The following DTNB variants were observed in gnomAD, a reference collection of about 807,000 sequenced individuals.
DTNB encodes DTN-B.
Under a neutral mutation model 90.7 loss-of-function variants are expected in DTNB, and 63 were observed. That is an observed-to-expected ratio of 0.69 (90% CI 0.57 to 0.86). The LOEUF (loss-of-function observed/expected upper bound fraction) is 0.86, where lower values mean the gene tolerates loss of function less well. DTNB is among the 40% of genes least tolerant of loss of function. DTNB has a pLI of 0.00. For missense variants in DTNB, 744 were observed against 807.1 expected (o/e 0.92, Z 0.95); for synonymous variants, 277 against 286.7 (o/e 0.97, Z 0.34).
At chr2:25,609,563 T>C (rs1045676311) in intron 4 of DTNB, among the ~76,000 whole-genome samples, 3 of 150,092 alleles carry the variant, frequency 2.0e-5, no homozygotes, top group African/African-American at 7.4e-5. Flanking sequence ...GCATCATCTC[T>C]TGTTGCCTGG....
At chr2:25,449,515 C>A (rs2058948883) in intron 12 of DTNB, among the ~76,000 whole-genome samples, 1 of 152,116 alleles carries the variant, frequency 6.6e-6, no homozygotes, top group Admixed American at 6.6e-5. Flanking sequence ...TTCATTGTAG[C>A]CATTCTGGTG....
intron 6 of DTNB, among the ~76,000 whole-genome samples, chr2:25,588,495 A>G (rs1474168815): frequency 6.6e-6 from 1 of 151,982 alleles, no homozygotes; most frequent in East Asian, 1.9e-4. Context: ...CCTCCCAAGT[A>G]GCTGGGACTA....
At chr2:25,440,245 T>G (rs950483374) in intron 12 of DTNB, among the ~76,000 whole-genome samples, 1 of 152,230 alleles carries the variant, frequency 6.6e-6, no homozygotes, top group Non-Finnish European at 1.5e-5. Flanking sequence ...CAAATGCACT[T>G]GCAATTATGT....
At chr2:25,470,990 T>C (rs1044747302) in intron 10 of DTNB, among the ~76,000 whole-genome samples, 1 of 152,236 alleles carries the variant, frequency 6.6e-6, no homozygotes, top group African/African-American at 2.4e-5. Flanking sequence ...CAAAGGACTT[T>C]AGCCACAAAG....
chr2:25,419,971 G>A (rs952552481), intron 15 of DTNB, among the ~76,000 whole-genome samples: 1 of 152,172 alleles, frequency 6.6e-6, no homozygotes, highest in Admixed American at 6.5e-5. Flanking sequence ...CGAGGCAAGT[G>A]GTTTTTGATG....
intron 9 of DTNB, among the ~76,000 whole-genome samples, chr2:25,523,386 T>TGG (rs2076491616): frequency 1.3e-5 from 2 of 152,232 alleles, no homozygotes; most frequent in African/African-American, 4.8e-5. Context: ...ACGCCTGTTA[T>TGG]CTCAGCACTT....
intron 9 of DTNB, 68 bp from the exon 10 acceptor site, chr2:25,482,941 AG>A: frequency 6.8e-7 from 1 of 1,465,144 alleles, no homozygotes; most frequent in Non-Finnish European, 9.2e-7. Flanking sequence ...AACGACGATA[AG>A]CATGGTAAGA....
intron 16 of DTNB, among the ~76,000 whole-genome samples, chr2:25,398,023 G>A (rs1256980089): frequency 6.6e-6 from 1 of 152,178 alleles, no homozygotes; most frequent in Admixed American, 6.5e-5. Context: ...CATGGCCTGA[G>A]GACCGCACAT....
chr2:25,621,463 T>G (rs1373959165), intron 4 of DTNB, among the ~76,000 whole-genome samples: 2 of 150,992 alleles, frequency 1.3e-5, no homozygotes, highest in Admixed American at 1.3e-4. Context: ...TTTTTTTTTT[T>G]GAGACGGAGT....
At chr2:25,508,495 TTTTG>T (rs1181161579) in intron 9 of DTNB, among the ~76,000 whole-genome samples, 7 of 151,506 alleles carry the variant, frequency 4.6e-5, no homozygotes, top group South Asian at 2.1e-4. Flanking sequence ...AACATTTCTT[TTTTG>T]TTTGTTTTTT....
chr2:25,452,331 C>T (rs543585787), intron 11 of DTNB, among the ~76,000 whole-genome samples: 39 of 152,218 alleles, frequency 2.6e-4, no homozygotes, highest in Non-Finnish European at 4.7e-4. Context: ...GCTGGCTCTG[C>T]ATATGGGATG....
intron 16 of DTNB, among the ~76,000 whole-genome samples, chr2:25,397,467 G>C (rs770701015): frequency 3.9e-5 from 6 of 152,102 alleles, no homozygotes; most frequent in Non-Finnish European, 7.4e-5. Flanking sequence ...CAAATCTCAG[G>C]GCACAGGAAG....
intron 6 of DTNB, among the ~76,000 whole-genome samples, chr2:25,591,712 A>T (rs1241574327): frequency 1.3e-5 from 2 of 152,116 alleles, no homozygotes; most frequent in Non-Finnish European, 2.9e-5. Context: ...TGCAAGGACA[A>T]TTTTTCTATT....
chr2:25,649,899 T>C (rs2080480663), intron 2 of DTNB: 1 of 425,052 alleles, frequency 2.4e-6, no homozygotes. Context: ...AAAGTAGTTA[T>C]GCTGGAGTTT....
At position 25,531,746 on chromosome 2, in the gene DTNB, G is replaced by T. The variant is rs571409309; in HGVS notation, c.877-149C>A. 16 of 1,087,304 alleles carry T rather than the reference G, an allele frequency of 1.5e-5. No individual in the cohort carries two copies. The African/African-American group carries it at 2.4e-4, about 16-fold the overall frequency. The allele number at this position is 1,087,304 out of a possible 1,614,324, so 67.4% of individuals were successfully genotyped here. A position where few individuals can be genotyped will look rare whatever the true frequency, so the allele number is the denominator to read the frequency against. On this transcript the variant is annotated intron_variant, in intron 8 of 20. Transcript: ENST00000406818. The stretch of plus-strand genomic sequence containing the variant: ...TACATCAATATCATTGGGCCTTTCA[G>T]AAAGGAACCTCCAGTTGTTCCAAGG...
chr2:25,573,856 C>T (rs997502331), intron 8 of DTNB, among the ~76,000 whole-genome samples: 1 of 152,168 alleles, frequency 6.6e-6, no homozygotes, highest in African/African-American at 2.4e-5. Context: ...AGTGACTTAA[C>T]GCAAAGTTCT....
chr2:25,632,277 T>C (rs1009170422), intron 3 of DTNB, among the ~76,000 whole-genome samples: 9 of 150,920 alleles, frequency 6.0e-5, no homozygotes, highest in African/African-American at 1.2e-4. Context: ...TAAAATCATA[T>C]GAACCATGCT....
chr2:25,620,814 A>T (rs1322968179), intron 4 of DTNB, among the ~76,000 whole-genome samples: 4 of 152,158 alleles, frequency 2.6e-5, no homozygotes, highest in African/African-American at 9.7e-5. Context: ...AAAAAATAAA[A>T]AATAAAATAA....
intron 16 of DTNB, among the ~76,000 whole-genome samples, chr2:25,394,422 C>T (rs973681043): frequency 6.6e-6 from 1 of 151,990 alleles, no homozygotes; most frequent in African/African-American, 2.4e-5. Flanking sequence ...AGCTTCTGCA[C>T]AGCAAAAGAA....
Sources: gnomAD v4.1 joint callset for allele counts (sites outside exome capture counted in the v4.1 genomes callset) on GRCh38, gnomAD v4.1.1 for gene constraint, MANE v1.5 for transcripts, NCBI Gene and HGNC (gene_info 2026-07-23, HGNC 2026-07-21) for gene names.